The following ROR1 variants were observed in gnomAD, a reference collection of about 807,000 sequenced individuals.
ROR1 encodes the protein ROR family WNT receptor 1, also known as inactive tyrosine-protein kinase transmembrane receptor ROR1.
ROR1 carries 19 observed loss-of-function variants against 78.8 expected under a neutral mutation model. The observed-to-expected ratio is 0.24, with a 90% CI of 0.17 to 0.35. The LOEUF (loss-of-function observed/expected upper bound fraction) is 0.35. ROR1 is among the 10% of genes least tolerant of loss of function. The pLI is 1.00. For synonymous variants in ROR1, 386 were observed against 433.6 expected, an observed-to-expected ratio of 0.89 and a Z score of 1.36; for missense variants, 917 against 1,177.8, an observed-to-expected ratio of 0.78 and a Z score of 3.24.
At chr1:64,087,955 C>A (rs1647166860) in intron 4 of ROR1, among the ~76,000 whole-genome samples, 1 of 152,080 alleles carries the variant, frequency 6.6e-6, no homozygotes, top group African/African-American at 2.4e-5. Context: ...CACTGGGTGG[C>A]CTGTGGATGC....
intron 8 of ROR1, 116 bp from the exon 9 acceptor site, chr1:64,177,311 AT>A: frequency 1.3e-6 from 1 of 777,150 alleles, no homozygotes; most frequent in Non-Finnish European, 2.1e-6. Flanking sequence ...GACCTACAAT[AT>A]TTTATTGAAT....
chr1:63,892,176 A>G (rs1341178850), intron 1 of ROR1, among the ~76,000 whole-genome samples: 1 of 152,206 alleles, frequency 6.6e-6, no homozygotes, highest in South Asian at 2.1e-4. Flanking sequence ...TATGATTAAG[A>G]CACAGTTCAT....
chr1:63,967,016 G>T (rs1380609707), intron 1 of ROR1, among the ~76,000 whole-genome samples: 1 of 152,118 alleles, frequency 6.6e-6, no homozygotes, highest in Non-Finnish European at 1.5e-5. Flanking sequence ...ATCAAATTTA[G>T]TTATTTGAGC....
At chr1:64,072,097 T>A (rs540223668) in intron 4 of ROR1, among the ~76,000 whole-genome samples, 1 of 152,318 alleles carries the variant, frequency 6.6e-6, no homozygotes, top group South Asian at 2.1e-4. Context: ...GTGCTTCTTG[T>A]CTTAGAGCCG....
intron 4 of ROR1, among the ~76,000 whole-genome samples, chr1:64,100,800 A>G (rs1327639727): frequency 6.6e-6 from 1 of 152,174 alleles, no homozygotes. Context: ...ATAGGAGTCA[A>G]GAGTTAGTCC....
chr1:64,123,858 C>A (rs1281108086), intron 4 of ROR1, among the ~76,000 whole-genome samples: 1 of 151,946 alleles, frequency 6.6e-6, no homozygotes, highest in Non-Finnish European at 1.5e-5. Flanking sequence ...CCTTTTACCC[C>A]AAAATAATTC....
intron 8 of ROR1, among the ~76,000 whole-genome samples, chr1:64,161,657 C>T (rs994521075): frequency 2.0e-5 from 3 of 152,172 alleles, no homozygotes; most frequent in African/African-American, 7.2e-5. Context: ...GTTTCTGGAT[C>T]ATTTCTGAGG....
At chr1:63,967,364 A>G (rs889308558) in intron 1 of ROR1, among the ~76,000 whole-genome samples, 1 of 152,178 alleles carries the variant, frequency 6.6e-6, no homozygotes, top group African/African-American at 2.4e-5. Context: ...ACATAAAAAA[A>G]ATACACAGTT....
At chr1:64,087,952 T>A (rs749626750) in intron 4 of ROR1, among the ~76,000 whole-genome samples, 1 of 152,166 alleles carries the variant, frequency 6.6e-6, no homozygotes, top group African/African-American at 2.4e-5. Context: ...GTACACTGGG[T>A]GGCCTGTGGA....
At chr1:64,141,525 C>G (rs1009079295) in intron 6 of ROR1, among the ~76,000 whole-genome samples, 1 of 152,126 alleles carries the variant, frequency 6.6e-6, no homozygotes, top group Non-Finnish European at 1.5e-5. Flanking sequence ...GATTGCAATT[C>G]AACATGAGAT....
At chr1:63,955,665 A>AT (rs1645975348) in intron 1 of ROR1, among the ~76,000 whole-genome samples, 1 of 152,154 alleles carries the variant, frequency 6.6e-6, no homozygotes, top group African/African-American at 2.4e-5. Flanking sequence ...AGTTTCATTT[A>AT]TCCCCCAGGA....
chr1:63,846,928 C>G lies in ROR1; in HGVS notation c.91+72420C>G, dbSNP rs747397260. 5.9e-5 allele frequency among the ~76,000 whole-genome samples: 9 copies of G among 152,172 alleles called. 1 individual carries two copies. Among genetic ancestry groups the G allele is most frequent in the Non-Finnish European group, 1.0e-4 (7 of 68,034 alleles). On this transcript the variant is annotated intron_variant, in intron 1 of 8. Coordinates refer to ENST00000371079, the MANE Select transcript of ROR1 (RefSeq NM_005012.4). ...GACAGCGGCCTTGGAGGTGAAGTCA[C>G]TAAGGGGGATCTGTAGGATTTGGCT...
At chr1:63,832,355 T>G (rs753443538) in intron 1 of ROR1, among the ~76,000 whole-genome samples, 21 of 152,192 alleles carry the variant, frequency 1.4e-4, no homozygotes, top group Non-Finnish European at 2.8e-4. Flanking sequence ...AAGAACTGCC[T>G]GAGACTGGGT....
intron 1 of ROR1, among the ~76,000 whole-genome samples, chr1:63,971,566 T>A (rs962857396): frequency 6.6e-6 from 1 of 152,174 alleles, no homozygotes; most frequent in African/African-American, 2.4e-5. Flanking sequence ...TTAATATATA[T>A]ATGTATTACT....
At chr1:63,775,658 A>G (rs546590443) in intron 1 of ROR1, among the ~76,000 whole-genome samples, 2 of 152,376 alleles carry the variant, frequency 1.3e-5, no homozygotes, top group South Asian at 4.1e-4. Flanking sequence ...TATTCACTAC[A>G]TAGACTACGA....
Position 63,942,002 on chromosome 1 carries a change from GAGTGAAGATTC to G in ROR1, c.92-67301_92-67291del, listed in dbSNP as rs143499642. ...GAAACCGTGGCAAGAAGGGGAGGCA[GAGTGAAGATTC>G]AAATTCAGGCATTCTACTCTCAGTT... is the stretch of plus-strand genomic sequence containing the variant. On this transcript the variant is annotated intron_variant, in intron 1 of 8. Coordinates refer to ENST00000371079, the MANE Select transcript of ROR1 (RefSeq NM_005012.4). 5.4e-3 allele frequency among the ~76,000 whole-genome samples: 827 copies of G among 152,294 alleles called. 7 individuals are homozygous for G. Among genetic ancestry groups the G allele is most frequent in the African/African-American group, 0.019 (799 of 41,568 alleles).
chr1:63,815,473 C>CTTTTTTTTTTTTTTT (rs1557510128), intron 1 of ROR1, among the ~76,000 whole-genome samples: 3 of 96,164 alleles, frequency 3.1e-5, no homozygotes, highest in African/African-American at 1.5e-4. Context: ...CTTTTCTTTT[C>CTTTTTTTTTTTTTTT]TTTTCTTTTT....
At chr1:63,808,121 T>C (rs560582032) in intron 1 of ROR1, among the ~76,000 whole-genome samples, 1 of 152,312 alleles carries the variant, frequency 6.6e-6, no homozygotes, top group South Asian at 2.1e-4. Flanking sequence ...GAACTTTACC[T>C]GGGCACGTTT....
At chr1:64,011,717 G>A (rs1646476116) in intron 2 of ROR1, among the ~76,000 whole-genome samples, 2 of 152,164 alleles carry the variant, frequency 1.3e-5, no homozygotes, top group African/African-American at 4.8e-5. Context: ...CTGGAGGTAC[G>A]AGGATGCTTG....
Sources: allele counts gnomAD v4.1 joint callset (sites outside exome capture counted in the v4.1 genomes callset), GRCh38; gene constraint gnomAD v4.1.1; transcripts MANE v1.5; gene names NCBI Gene and HGNC (gene_info 2026-07-23, HGNC 2026-07-21).